FAT3: variants seen among roughly 807,000 people sequenced by gnomAD.
FAT3 encodes the protein protocadherin Fat 3.
In FAT3, 95 loss-of-function variants were observed where a neutral mutation model predicts 310.2. That is an observed-to-expected ratio of 0.31 (90% CI 0.26 to 0.36). FAT3 has a LOEUF of 0.36. Among genes scored for constraint, FAT3 ranks in the 10% least tolerant of loss-of-function variants. FAT3 has a pLI of 1.00. For missense variants in FAT3, 5,408 were observed against 5,715.6 expected, an observed-to-expected ratio of 0.95 and a Z score of 1.74; for synonymous variants, 2,314 against 2,192.9, an observed-to-expected ratio of 1.06 and a Z score of -1.54.
chr11:92,415,742 T>C (rs1565298905), intron 2 of FAT3, among the ~76,000 whole-genome samples: 1 of 151,828 alleles, frequency 6.6e-6, no homozygotes, highest in Non-Finnish European at 1.5e-5. Context: ...AACGTGCAAA[T>C]GGGGACCTGA....
At chr11:92,617,948 G>C (rs1034742964) in intron 3 of FAT3, among the ~76,000 whole-genome samples, 2 of 152,190 alleles carry the variant, frequency 1.3e-5, no homozygotes, top group African/African-American at 2.4e-5. Context: ...ACTTGAGGAG[G>C]CAGTCTGTCC....
At chr11:92,595,832 G>C (rs547703794) in intron 3 of FAT3, among the ~76,000 whole-genome samples, 2 of 152,316 alleles carry the variant, frequency 1.3e-5, no homozygotes, top group South Asian at 4.1e-4. Flanking sequence ...TGTTTTGCGG[G>C]AATAGTGTTG....
At chr11:92,583,782 T>C (rs552415824) in intron 3 of FAT3, among the ~76,000 whole-genome samples, 1 of 152,150 alleles carries the variant, frequency 6.6e-6, no homozygotes, top group East Asian at 1.9e-4. Flanking sequence ...AGACAACAGA[T>C]GCATTGTTCG....
intron 1 of FAT3, among the ~76,000 whole-genome samples, chr11:92,261,529 C>T (rs1321582331): frequency 6.6e-6 from 1 of 152,054 alleles, no homozygotes; most frequent in East Asian, 1.9e-4. Context: ...TTTAACTTGG[C>T]TATTTTCTTA....
At chr11:92,374,161 A>T (rs1949275047) in intron 2 of FAT3, among the ~76,000 whole-genome samples, 1 of 152,038 alleles carries the variant, frequency 6.6e-6, no homozygotes, top group Non-Finnish European at 1.5e-5. Flanking sequence ...TAGCCCACTG[A>T]CTCAAATGTC....
intron 3 of FAT3, among the ~76,000 whole-genome samples, chr11:92,597,014 C>T (rs1295968127): frequency 3.9e-5 from 6 of 152,240 alleles, no homozygotes; most frequent in African/African-American, 1.4e-4. Flanking sequence ...ATCCTTTCTC[C>T]ATATCCCTGT....
chr11:92,627,727 G>T (rs1941389941), intron 3 of FAT3, among the ~76,000 whole-genome samples: 1 of 152,092 alleles, frequency 6.6e-6, no homozygotes, highest in South Asian at 2.1e-4. Flanking sequence ...GAGACACTTG[G>T]GCAGGTTCCC....
At chr11:92,404,676 G>T (rs533496517) in intron 2 of FAT3, among the ~76,000 whole-genome samples, 24 of 151,976 alleles carry the variant, frequency 1.6e-4, no homozygotes, top group African/African-American at 5.8e-4. Flanking sequence ...AGGATGCCCA[G>T]ATAGCTGGTA....
intron 22 of FAT3, among the ~76,000 whole-genome samples, chr11:92,875,506 T>C (rs1949509567): frequency 6.6e-6 from 1 of 151,332 alleles, no homozygotes; most frequent in Admixed American, 6.6e-5. Context: ...AAATGGAGTT[T>C]TTCTGTCTTT....
intron 2 of FAT3, among the ~76,000 whole-genome samples, chr11:92,426,292 A>G (rs1292315546): frequency 2.0e-5 from 3 of 152,060 alleles, no homozygotes; most frequent in Non-Finnish European, 4.4e-5. Context: ...CCTTTGTCAG[A>G]TGGATAGATT....
intron 3 of FAT3, among the ~76,000 whole-genome samples, chr11:92,547,977 G>T (rs774835931): frequency 1.3e-5 from 2 of 152,174 alleles, no homozygotes; most frequent in Non-Finnish European, 2.9e-5. Context: ...AAAGGAGACA[G>T]GTAGACATCT....
At chr11:92,587,847 C>T (rs1437806661) in intron 3 of FAT3, among the ~76,000 whole-genome samples, 1 of 151,924 alleles carries the variant, frequency 6.6e-6, no homozygotes, top group Non-Finnish European at 1.5e-5. Flanking sequence ...AAATTGGAGG[C>T]AAAATTTCAC....
chr11:92,420,976 T>A (rs1372565903), intron 2 of FAT3, among the ~76,000 whole-genome samples: 1 of 152,180 alleles, frequency 6.6e-6, no homozygotes, highest in Non-Finnish European at 1.5e-5. Context: ...AAATACCCAG[T>A]TTGATTTTGT....
chr11:92,298,784 G>C (rs1479135475), intron 1 of FAT3, among the ~76,000 whole-genome samples: 1 of 152,072 alleles, frequency 6.6e-6, no homozygotes, highest in Non-Finnish European at 1.5e-5. Flanking sequence ...TTTTGAACTT[G>C]TCAGCATATG....
At chr11:92,702,726 G>A (rs1944139983) in intron 4 of FAT3, among the ~76,000 whole-genome samples, 1 of 152,170 alleles carries the variant, frequency 6.6e-6, no homozygotes, top group Admixed American at 6.5e-5. Context: ...GCTTAATTAT[G>A]TGTGAATCTT....
At chr11:92,269,106 AT>A in intron 1 of FAT3, among the ~76,000 whole-genome samples, 1 of 152,180 alleles carries the variant, frequency 6.6e-6, no homozygotes, top group Admixed American at 6.5e-5. Flanking sequence ...TATTTATTGA[AT>A]TATTCAATAG....
chr11:92,479,248 C>A (rs1952150038), intron 2 of FAT3, among the ~76,000 whole-genome samples: 1 of 150,708 alleles, frequency 6.6e-6, no homozygotes, highest in East Asian at 2.0e-4. Flanking sequence ...TGGGCCCAAG[C>A]ATCCTGCCCT....
At chr11:92,753,166 G>A (rs1460619219) in intron 4 of FAT3, among the ~76,000 whole-genome samples, 6 of 152,078 alleles carry the variant, frequency 3.9e-5, no homozygotes, top group Non-Finnish European at 7.4e-5. Context: ...GCCAGTTTTT[G>A]AGCCAAGGCC....
At chr11:92,804,198 C>G (rs1342251502) in intron 10 of FAT3, among the ~76,000 whole-genome samples, 1 of 152,130 alleles carries the variant, frequency 6.6e-6, no homozygotes, top group Non-Finnish European at 1.5e-5. Flanking sequence ...ACTGATGTAG[C>G]CCTGCTGCCT....
Sources: gnomAD v4.1 joint callset for allele counts (sites outside exome capture counted in the v4.1 genomes callset) on GRCh38, gnomAD v4.1.1 for gene constraint, MANE v1.5 for transcripts, NCBI Gene and HGNC (gene_info 2026-07-23, HGNC 2026-07-21) for gene names.